SPAG16: variants seen among roughly 807,000 people sequenced by gnomAD.
SPAG16 encodes the protein sperm-associated antigen 16 protein.
In SPAG16, 86 loss-of-function variants were observed where a neutral mutation model predicts 80.4. That is an observed-to-expected ratio of 1.07 (90% CI 0.90 to 1.28). The LOEUF (loss-of-function observed/expected upper bound fraction) is 1.28, where lower values mean the gene tolerates loss of function less well. Ranked by LOEUF, SPAG16 falls within the 50% of genes most tolerant of loss-of-function variation. The pLI is 0.00. For synonymous variants in SPAG16, 294 were observed against 265.9 expected (o/e 1.11, Z -1.03); for missense variants, 870 against 765.3 (o/e 1.14, Z -1.61).
chr2:213,616,531 G>C lies in SPAG16; in HGVS notation c.1070+126441G>C, dbSNP rs189622058. ...ATTGGATAGCAGTAAATCATAGAAG[G>C]GGGGTGTCAGGATGGGGAAGCCAGA... On this transcript the variant is annotated intron_variant, in intron 10 of 15. Transcript: ENST00000331683. Among the ~76,000 whole-genome samples the C allele has an allele frequency of 2.6e-5, 4 of 152,266 alleles. No individual in the cohort carries two copies. In the East Asian group the frequency reaches 5.8e-4, roughly 22 times the overall value.
chr2:213,460,957 G>A (rs1363282146), intron 9 of SPAG16, among the ~76,000 whole-genome samples: 1 of 152,066 alleles, frequency 6.6e-6, no homozygotes, highest in Non-Finnish European at 1.5e-5. Context: ...ATTTATACAT[G>A]AATATAAAAA....
At chr2:214,370,286 A>G (rs2126086567) in intron 15 of SPAG16, among the ~76,000 whole-genome samples, 1 of 152,282 alleles carries the variant, frequency 6.6e-6, no homozygotes, top group East Asian at 1.9e-4. Flanking sequence ...TTAGAAAAAG[A>G]AGTCATGACA....
At chr2:213,960,669 G>A (rs897757143) in intron 12 of SPAG16, among the ~76,000 whole-genome samples, 4 of 152,160 alleles carry the variant, frequency 2.6e-5, no homozygotes, top group African/African-American at 9.7e-5. Flanking sequence ...CCTTTCAATT[G>A]ACATGTGTGG....
At chr2:214,014,228 C>A in intron 13 of SPAG16, 151 bp downstream of exon 13, 1 of 933,936 alleles carries the variant, frequency 1.1e-6, no homozygotes, top group Non-Finnish European at 1.6e-6. Flanking sequence ...AAGATCCTTT[C>A]TATGCACTTG....
chr2:214,345,997 C>T (rs1698023433), intron 15 of SPAG16, among the ~76,000 whole-genome samples: 1 of 152,126 alleles, frequency 6.6e-6, no homozygotes, highest in African/African-American at 2.4e-5. Context: ...TAGCTTATTA[C>T]AAATAATGCT....
intron 10 of SPAG16, among the ~76,000 whole-genome samples, chr2:213,492,345 T>C (rs576481849): frequency 6.6e-6 from 1 of 152,204 alleles, no homozygotes; most frequent in African/African-American, 2.4e-5. Flanking sequence ...CTAGGTCAGA[T>C]TGAGACCATC....
chr2:213,539,846 G>A (rs74590506), intron 10 of SPAG16, among the ~76,000 whole-genome samples: 1 of 151,958 alleles, frequency 6.6e-6, no homozygotes, highest in Non-Finnish European at 1.5e-5. Flanking sequence ...ACTTACCAAA[G>A]GACAGAAATC....
At chr2:213,795,802 A>G (rs1235984840) in intron 10 of SPAG16, among the ~76,000 whole-genome samples, 1 of 152,094 alleles carries the variant, frequency 6.6e-6, no homozygotes, top group Non-Finnish European at 1.5e-5. Flanking sequence ...GCCACATAAA[A>G]CGTACCTGCT....
chr2:213,799,147 T>C (rs2125631957), intron 10 of SPAG16, among the ~76,000 whole-genome samples: 2 of 152,328 alleles, frequency 1.3e-5, no homozygotes, highest in African/African-American at 4.8e-5. Context: ...ATTGAATCTA[T>C]AGACCAATTT....
At chr2:214,177,934 TGG>T (rs2057161934) in intron 15 of SPAG16, among the ~76,000 whole-genome samples, 1 of 126,236 alleles carries the variant, frequency 7.9e-6, no homozygotes, top group African/African-American at 3.0e-5. Context: ...TATATATATA[TGG>T]CCAGAATTGT....
intron 8 of SPAG16, among the ~76,000 whole-genome samples, chr2:213,374,250 G>C (rs2066779735): frequency 6.6e-6 from 1 of 152,146 alleles, no homozygotes; most frequent in African/African-American, 2.4e-5. Context: ...TTTCTTAAGA[G>C]AGCCTTGTCA....
At chr2:213,621,809 A>T (rs142040858) in intron 10 of SPAG16, among the ~76,000 whole-genome samples, 14 of 152,358 alleles carry the variant, frequency 9.2e-5, no homozygotes, top group African/African-American at 2.9e-4. Context: ...TGATCTAAAG[A>T]TAGATCACAT....
At chr2:213,453,954 T>C (rs1288332457) in intron 9 of SPAG16, among the ~76,000 whole-genome samples, 1 of 152,222 alleles carries the variant, frequency 6.6e-6, no homozygotes, top group African/African-American at 2.4e-5. Context: ...TTATTCTCAT[T>C]CTCTTTCCAT....
At chr2:213,904,079 A>G (rs1476185284) in intron 11 of SPAG16, among the ~76,000 whole-genome samples, 1 of 152,106 alleles carries the variant, frequency 6.6e-6, no homozygotes, top group Non-Finnish European at 1.5e-5. Flanking sequence ...AGTCTCTGGG[A>G]AGTTCTAAAT....
chr2:214,191,742 A>AG (rs58696884), intron 15 of SPAG16, among the ~76,000 whole-genome samples: 7 of 145,708 alleles, frequency 4.8e-5, no homozygotes, highest in African/African-American at 1.7e-4. Flanking sequence ...AAAAAAAAAA[A>AG]GGAAAAACCA....
At chr2:213,387,221 T>C (rs1266376420) in intron 9 of SPAG16, among the ~76,000 whole-genome samples, 2 of 151,794 alleles carry the variant, frequency 1.3e-5, no homozygotes, top group African/African-American at 2.4e-5. Context: ...GATTATAATA[T>C]TTGTAATATA....
At chr2:213,286,461 T>C (rs530904934) in intron 1 of SPAG16, among the ~76,000 whole-genome samples, 1 of 152,236 alleles carries the variant, frequency 6.6e-6, no homozygotes, top group Non-Finnish European at 1.5e-5. Flanking sequence ...CTGGGCACTC[T>C]TCACATGGTT....
At chr2:214,259,343 GA>G (rs904368908) in intron 15 of SPAG16, among the ~76,000 whole-genome samples, 7 of 146,526 alleles carry the variant, frequency 4.8e-5, no homozygotes, top group African/African-American at 1.5e-4. Context: ...TATTTGGGCA[GA>G]AAAAAAATAC....
intron 9 of SPAG16, among the ~76,000 whole-genome samples, chr2:213,464,086 T>A (rs930025278): frequency 6.6e-6 from 1 of 152,190 alleles, no homozygotes; most frequent in Non-Finnish European, 1.5e-5. Context: ...TTGTTTCCGT[T>A]CCTGCAGGAA....
Sources: allele counts gnomAD v4.1 joint callset (sites outside exome capture counted in the v4.1 genomes callset), GRCh38; gene constraint gnomAD v4.1.1; transcripts MANE v1.5; gene names NCBI Gene and HGNC (gene_info 2026-07-23, HGNC 2026-07-21).